The following EPHA6 variants were observed in gnomAD, a reference collection of about 807,000 sequenced individuals.
EPHA6 encodes the protein ephrin type-A receptor 6.
In EPHA6, 50 loss-of-function variants were observed where a neutral mutation model predicts 112.0. The observed-to-expected ratio is 0.45, with a 90% CI of 0.36 to 0.56. The LOEUF (loss-of-function observed/expected upper bound fraction) is 0.56, where lower values mean the gene tolerates loss of function less well. Among genes scored for constraint, EPHA6 ranks in the 20% least tolerant of loss-of-function variants. EPHA6 has a pLI of 0.00. For missense variants in EPHA6, 1,280 were observed against 1,417.4 expected (o/e 0.90, Z 1.56); for synonymous variants, 529 against 490.7 (o/e 1.08, Z -1.03).
chr3:97,068,794 C>G (rs1304583039), intron 3 of EPHA6, among the ~76,000 whole-genome samples: 1 of 152,042 alleles, frequency 6.6e-6, no homozygotes, highest in Non-Finnish European at 1.5e-5. Context: ...TGAGAGGCCC[C>G]ACTCTCTTTC....
At chr3:97,646,249 G>C (rs955680777) in intron 14 of EPHA6, 5 of 1,535,162 alleles carry the variant, frequency 3.3e-6, no homozygotes, top group Non-Finnish European at 4.4e-6. Context: ...AGAAACAGAA[G>C]GGCCATGGGA....
chr3:97,747,354 T>C, intron 16 of EPHA6, 69 bp from the exon 17 acceptor site: 1 of 1,282,648 alleles, frequency 7.8e-7, no homozygotes, highest in Non-Finnish European at 1.0e-6. Flanking sequence ...AAAAATAAAG[T>C]TCCGTGATTT....
At chr3:97,620,538 C>A (rs2093805406) in intron 13 of EPHA6, among the ~76,000 whole-genome samples, 1 of 151,842 alleles carries the variant, frequency 6.6e-6, no homozygotes, top group African/African-American at 2.4e-5. Flanking sequence ...TTCTAATATC[C>A]AGCATATATA....
intron 6 of EPHA6, among the ~76,000 whole-genome samples, 186 bp from the exon 7 acceptor site, chr3:97,448,382 C>T (rs1470503256): frequency 6.6e-6 from 1 of 152,074 alleles, no homozygotes; most frequent in Non-Finnish European, 1.5e-5. Context: ...CCAAATAGGA[C>T]CATATCATAT....
At chr3:97,389,393 A>G (rs954718127) in intron 5 of EPHA6, among the ~76,000 whole-genome samples, 4 of 152,126 alleles carry the variant, frequency 2.6e-5, no homozygotes, top group African/African-American at 9.7e-5. Flanking sequence ...ATTTTTCAAT[A>G]ACTCCCTTAT....
At chr3:97,275,377 G>A (rs1287915297) in intron 5 of EPHA6, among the ~76,000 whole-genome samples, 1 of 152,192 alleles carries the variant, frequency 6.6e-6, no homozygotes, top group Non-Finnish European at 1.5e-5. Flanking sequence ...AATTTGCTGA[G>A]CCTGATGGGT....
intron 6 of EPHA6, among the ~76,000 whole-genome samples, chr3:97,416,743 A>G (rs1005573544): frequency 2.6e-5 from 4 of 152,156 alleles, no homozygotes; most frequent in African/African-American, 4.8e-5. Flanking sequence ...ACAGTATCAT[A>G]TTTGTTTAAA....
At chr3:97,699,744 G>A (rs532203483) in intron 14 of EPHA6, among the ~76,000 whole-genome samples, 75 of 152,248 alleles carry the variant, frequency 4.9e-4, no homozygotes, top group Non-Finnish European at 9.4e-4. Flanking sequence ...ACCAAGAAAC[G>A]TCTAGAAAAC....
chr3:96,976,844 T>A (rs971855167), intron 2 of EPHA6, among the ~76,000 whole-genome samples: 1 of 152,166 alleles, frequency 6.6e-6, no homozygotes, highest in Non-Finnish European at 1.5e-5. Flanking sequence ...TAAGTCTACT[T>A]TTAGGAGCTT....
At chr3:97,442,851 A>C (rs1167845965) in intron 6 of EPHA6, among the ~76,000 whole-genome samples, 1 of 152,100 alleles carries the variant, frequency 6.6e-6, no homozygotes, top group Non-Finnish European at 1.5e-5. Flanking sequence ...TTCCTTTGGA[A>C]AGTAATTGTT....
chr3:97,575,679 T>C (rs1174500726), intron 11 of EPHA6, among the ~76,000 whole-genome samples: 19 of 152,200 alleles, frequency 1.2e-4, no homozygotes, highest in Admixed American at 1.2e-3. Flanking sequence ...TTTTTAAATC[T>C]GTGGGGAGCC....
chr3:97,217,771 T>C (rs966371054), intron 3 of EPHA6, among the ~76,000 whole-genome samples: 3 of 152,316 alleles, frequency 2.0e-5, no homozygotes, highest in East Asian at 1.9e-4. Context: ...GCAAGAAGTA[T>C]AAAATTTCTG....
intron 3 of EPHA6, among the ~76,000 whole-genome samples, chr3:97,056,938 C>G (rs957675400): frequency 1.2e-4 from 19 of 152,192 alleles, no homozygotes; most frequent in Non-Finnish European, 2.4e-4. Context: ...TACCAAGACT[C>G]TTGCTCCTTC....
At chr3:97,118,060 C>T (rs2047942942) in intron 3 of EPHA6, among the ~76,000 whole-genome samples, 1 of 151,672 alleles carries the variant, frequency 6.6e-6, no homozygotes, top group African/African-American at 2.4e-5. Flanking sequence ...TTTGAAATAA[C>T]TAGCTTACTA....
At chr3:97,574,033 A>G (rs1176072113) in intron 11 of EPHA6, among the ~76,000 whole-genome samples, 1 of 152,104 alleles carries the variant, frequency 6.6e-6, no homozygotes, top group Non-Finnish European at 1.5e-5. Flanking sequence ...CATTTTATCT[A>G]TTAACATGTA....
chr3:97,506,249 T>C (rs2092249835), intron 10 of EPHA6, among the ~76,000 whole-genome samples: 2 of 152,226 alleles, frequency 1.3e-5, no homozygotes, highest in Non-Finnish European at 2.9e-5. Flanking sequence ...CGTCATGAAG[T>C]CTTTGTGCAT....
intron 5 of EPHA6, among the ~76,000 whole-genome samples, chr3:97,296,739 G>T (rs2080887429): frequency 6.6e-6 from 1 of 152,130 alleles, no homozygotes; most frequent in Admixed American, 6.5e-5. Context: ...TCACAGACAG[G>T]CAGGTTTTAT....
At chr3:97,285,244 T>G (rs571065552) in intron 5 of EPHA6, among the ~76,000 whole-genome samples, 5 of 152,158 alleles carry the variant, frequency 3.3e-5, no homozygotes, top group African/African-American at 9.6e-5. Flanking sequence ...TAAGATATTT[T>G]GTTTGGCATA....
chr3:96,952,439 G>A (rs2041584595), intron 2 of EPHA6, among the ~76,000 whole-genome samples: 1 of 152,140 alleles, frequency 6.6e-6, no homozygotes, highest in South Asian at 2.1e-4. Context: ...GTGGTGCTGA[G>A]TTAGTTCTTG....
Sources: gnomAD v4.1 joint callset for allele counts (sites outside exome capture counted in the v4.1 genomes callset) on GRCh38, gnomAD v4.1.1 for gene constraint, MANE v1.5 for transcripts, NCBI Gene and HGNC (gene_info 2026-07-23, HGNC 2026-07-21) for gene names.